Variants in ANKS1B observed in about 807,000 individuals in gnomAD.
ANKS1B encodes ankyrin repeat and sterile alpha motif domain containing 1B.
Under a neutral mutation model 148.3 loss-of-function variants are expected in ANKS1B, and 36 were observed. That is an observed-to-expected ratio of 0.24 (90% CI 0.19 to 0.32). The LOEUF (loss-of-function observed/expected upper bound fraction) is 0.32, where lower values mean the gene tolerates loss of function less well. Among genes scored for constraint, ANKS1B ranks in the 10% least tolerant of loss-of-function variants. The pLI is 1.00. For synonymous variants in ANKS1B, 542 were observed against 560.8 expected, an observed-to-expected ratio of 0.97 and a Z score of 0.47; for missense variants, 1,157 against 1,542.6, an observed-to-expected ratio of 0.75 and a Z score of 4.19.
At chr12:99,653,296 A>G (rs1241265924) in intron 9 of ANKS1B, among the ~76,000 whole-genome samples, 1 of 152,228 alleles carries the variant, frequency 6.6e-6, no homozygotes, top group Non-Finnish European at 1.5e-5. Flanking sequence ...CTAATATAGT[A>G]AATACCCTGA....
intron 10 of ANKS1B, among the ~76,000 whole-genome samples, chr12:99,459,671 A>C (rs367917538): frequency 6.6e-6 from 1 of 152,018 alleles, no homozygotes; most frequent in Non-Finnish European, 1.5e-5. Context: ...AGCTACAAAA[A>C]AAAAAATTAG....
At chr12:99,548,057 A>G (rs1195534288) in intron 9 of ANKS1B, among the ~76,000 whole-genome samples, 2 of 152,244 alleles carry the variant, frequency 1.3e-5, no homozygotes, top group African/African-American at 4.8e-5. Flanking sequence ...TGTGTTAATT[A>G]TCAAAAATAT....
chr12:99,555,064 G>A (rs577776123), intron 9 of ANKS1B, among the ~76,000 whole-genome samples: 1 of 152,236 alleles, frequency 6.6e-6, no homozygotes, highest in South Asian at 2.1e-4. Context: ...ACCATTGATA[G>A]GCATTTATAT....
At chr12:99,807,078 T>C (rs2067714344) in intron 3 of ANKS1B, among the ~76,000 whole-genome samples, 1 of 152,190 alleles carries the variant, frequency 6.6e-6, no homozygotes, top group South Asian at 2.1e-4. Context: ...TATAACAGAC[T>C]TTTAATAGAC....
In ANKS1B at chr12:98,744,080, G is replaced by A. The variant is rs934776302; in HGVS notation, c.*1659C>T. ...GAAGCCCAAGCTTATTTACACATAT[G>A]CTTCTGTTTCAGCAAAGCTCCTATT... On this transcript the variant is annotated 3_prime_UTR_variant, in exon 27 of 27. Coordinates refer to ENST00000683438, the MANE Select transcript of ANKS1B (RefSeq NM_001352186.2). 20 of 984,040 alleles carry A rather than the reference G, an allele frequency of 2.0e-5. No homozygotes were observed. Among genetic ancestry groups the A allele is most frequent in the Admixed American group, 1.2e-4 (2 of 16,258 alleles). The allele number at this position is 984,040 out of a possible 1,614,324, so 61.0% of individuals were successfully genotyped here.
chr12:99,383,849 CAAAAAAAAA>C (rs1160915276), intron 12 of ANKS1B, among the ~76,000 whole-genome samples: 1 of 77,834 alleles, frequency 1.3e-5, no homozygotes, highest in East Asian at 3.2e-4. Context: ...CCCATCTCTA[CAAAAAAAAA>C]AAAAAAAAAG....
At chr12:99,459,942 T>A (rs914889710) in intron 10 of ANKS1B, among the ~76,000 whole-genome samples, 1 of 152,034 alleles carries the variant, frequency 6.6e-6, no homozygotes, top group Non-Finnish European at 1.5e-5. Flanking sequence ...AGAGCCCACA[T>A]AACCAAAACA....
At chr12:99,215,460 G>A (rs1206511414) in intron 14 of ANKS1B, among the ~76,000 whole-genome samples, 3 of 152,178 alleles carry the variant, frequency 2.0e-5, no homozygotes, top group Admixed American at 6.5e-5. Flanking sequence ...TGTACCGTGT[G>A]TCTGGAAAAC....
chr12:99,402,439 T>C (rs2094430327), intron 11 of ANKS1B, among the ~76,000 whole-genome samples: 2 of 145,774 alleles, frequency 1.4e-5, no homozygotes, highest in South Asian at 4.2e-4. Context: ...TAGTACTCAT[T>C]AGTTATTTTT....
intron 15 of ANKS1B, among the ~76,000 whole-genome samples, chr12:99,147,971 A>G (rs1448638501): frequency 1.3e-5 from 2 of 152,068 alleles, no homozygotes; most frequent in Non-Finnish European, 2.9e-5. Context: ...CTTAAAAGAG[A>G]GCAATTTCAG....
chr12:99,400,370 T>A (rs960316333), intron 11 of ANKS1B, among the ~76,000 whole-genome samples: 1 of 146,204 alleles, frequency 6.8e-6, no homozygotes, highest in African/African-American at 2.6e-5. Flanking sequence ...TCTAAGAATA[T>A]GCTTGGTATT....
At chr12:99,823,032 T>C in intron 2 of ANKS1B, among the ~76,000 whole-genome samples, 1 of 152,246 alleles carries the variant, frequency 6.6e-6, no homozygotes, top group East Asian at 1.9e-4. Flanking sequence ...TGCATTTCTC[T>C]GACGATTAGT....
At chr12:99,642,305 T>C (rs1367381424) in intron 9 of ANKS1B, among the ~76,000 whole-genome samples, 2 of 152,238 alleles carry the variant, frequency 1.3e-5, no homozygotes, top group African/African-American at 4.8e-5. Flanking sequence ...CATATTCTCC[T>C]TGAGTGCATC....
intron 11 of ANKS1B, among the ~76,000 whole-genome samples, chr12:99,441,811 G>C (rs2095554890): frequency 6.6e-6 from 1 of 151,812 alleles, no homozygotes; most frequent in Non-Finnish European, 1.5e-5. Context: ...TCTACCTCTA[G>C]ATTTCTTCAA....
intron 14 of ANKS1B, among the ~76,000 whole-genome samples, chr12:99,214,394 G>A (rs564901785): frequency 1.3e-5 from 2 of 152,252 alleles, no homozygotes; most frequent in South Asian, 4.1e-4. Context: ...TGTGTCATGG[G>A]AGGGACCCAG....
chr12:99,800,387 G>A (rs770465728), intron 4 of ANKS1B, among the ~76,000 whole-genome samples: 1 of 138,164 alleles, frequency 7.2e-6, no homozygotes, highest in Non-Finnish European at 1.5e-5. Flanking sequence ...TGTTGCTTAA[G>A]CCACTCAGCC....
intron 17 of ANKS1B, among the ~76,000 whole-genome samples, chr12:99,024,035 T>C (rs973235962): frequency 4.0e-5 from 6 of 151,672 alleles, no homozygotes; most frequent in Non-Finnish European, 7.4e-5. Flanking sequence ...TGCCGAGAAT[T>C]GAGGTAATCA....
At chr12:99,641,005 GC>G (rs2098297753) in intron 9 of ANKS1B, among the ~76,000 whole-genome samples, 1 of 152,106 alleles carries the variant, frequency 6.6e-6, no homozygotes, top group African/African-American at 2.4e-5. Context: ...TGAATCTTAA[GC>G]CTTAGAAATA....
At chr12:99,497,318 T>C (rs944153522) in intron 10 of ANKS1B, among the ~76,000 whole-genome samples, 3 of 152,162 alleles carry the variant, frequency 2.0e-5, no homozygotes, top group Non-Finnish European at 4.4e-5. Context: ...CATTTTTGCT[T>C]CTGACATATT....
Sources: allele counts gnomAD v4.1 joint callset (sites outside exome capture counted in the v4.1 genomes callset), GRCh38; gene constraint gnomAD v4.1.1; transcripts MANE v1.5; gene names NCBI Gene and HGNC (gene_info 2026-07-23, HGNC 2026-07-21).